The following PIP5K1B variants were observed in gnomAD, a reference collection of about 807,000 sequenced individuals.
PIP5K1B encodes phosphatidylinositol-4-phosphate 5-kinase type 1 beta, also known as phosphatidylinositol 4-phosphate 5-kinase type-1 beta.
In PIP5K1B, 42 loss-of-function variants were observed where a neutral mutation model predicts 67.0. That is an observed-to-expected ratio of 0.63 (90% CI 0.49 to 0.81). The LOEUF is 0.81. Ranked by LOEUF, PIP5K1B falls within the 30% of genes least tolerant of loss-of-function variation. PIP5K1B has a pLI of 0.00. For synonymous variants in PIP5K1B, 214 were observed against 231.4 expected (o/e 0.92, Z 0.68); for missense variants, 459 against 646.3 (o/e 0.71, Z 3.14).
Position 68,735,316 on chromosome 9 carries a change from C to CTTTTTTTTTTTTTTTTT in PIP5K1B, c.-242-7173_-242-7157dup, listed in dbSNP as rs558810934. 4.0e-3 allele frequency among the ~76,000 whole-genome samples: 118 copies of CTTTTTTTTTTTTTTTTT among 29,804 alleles called. 23 individuals are homozygous for CTTTTTTTTTTTTTTTTT. Among genetic ancestry groups the CTTTTTTTTTTTTTTTTT allele is most frequent in the Non-Finnish European group, 5.3e-3 (88 of 16,452 alleles). 19.6% of individuals were successfully genotyped at this position (29,804 alleles called of 152,430 possible). A position where few individuals can be genotyped will look rare whatever the true frequency, so the allele number is the denominator to read the frequency against. ...CAGATTTGCTGTTTTCCCCTAGTGT[C>CTTTTTTTTTTTTTTTTT]TTTTTTTTTTTTTTTTTTTTTTTTT... On this transcript the variant is annotated intron_variant, in intron 1 of 15. Transcript: ENST00000265382.
chr9:68,837,583 G>A (rs2035659604), intron 4 of PIP5K1B, among the ~76,000 whole-genome samples: 2 of 140,986 alleles, frequency 1.4e-5, no homozygotes, highest in African/African-American at 5.2e-5. Flanking sequence ...TCTTAAATTA[G>A]ACTTTTACTT....
chr9:68,866,508 T>C (rs547424225), intron 5 of PIP5K1B, among the ~76,000 whole-genome samples: 36 of 152,198 alleles, frequency 2.4e-4, no homozygotes, highest in African/African-American at 8.2e-4. Flanking sequence ...AGAATAAAAC[T>C]ATTTAAAATA....
At chr9:68,864,866 G>A (rs934417455) in intron 5 of PIP5K1B, among the ~76,000 whole-genome samples, 3 of 152,084 alleles carry the variant, frequency 2.0e-5, no homozygotes, top group Admixed American at 2.0e-4. Context: ...GTTATTACCA[G>A]GCTTGGGTAA....
At chr9:68,736,496 T>C (rs1318339087) in intron 1 of PIP5K1B, among the ~76,000 whole-genome samples, 1 of 152,212 alleles carries the variant, frequency 6.6e-6, no homozygotes, top group Non-Finnish European at 1.5e-5. Context: ...ACAAATGGAA[T>C]GGCATAAAAG....
intron 7 of PIP5K1B, among the ~76,000 whole-genome samples, chr9:68,893,337 T>TTC (rs1244460005): frequency 3.1e-4 from 43 of 137,138 alleles, no homozygotes; most frequent in Admixed American, 9.3e-4. Flanking sequence ...TTTTTTCTTT[T>TTC]TTTTTTTTTT....
chr9:68,939,784 T>C (rs1050093681), intron 13 of PIP5K1B, among the ~76,000 whole-genome samples: 1 of 152,228 alleles, frequency 6.6e-6, no homozygotes, highest in African/African-American at 2.4e-5. Flanking sequence ...CGAGAATCCC[T>C]GTTAGGGTCG....
chr9:68,958,404 G>A (rs1828512270), intron 14 of PIP5K1B, among the ~76,000 whole-genome samples: 1 of 152,056 alleles, frequency 6.6e-6, no homozygotes, highest in South Asian at 2.1e-4. Flanking sequence ...TTAAGTAATT[G>A]TTTAGACTCT....
chr9:68,711,258 C>G (rs10869224), intron 1 of PIP5K1B, among the ~76,000 whole-genome samples: 17,551 of 152,226 alleles, frequency 0.12, 1,070 homozygotes, highest in Non-Finnish European at 0.13. Flanking sequence ...ATTTAATATA[C>G]ACTTTTTTTC....
intron 14 of PIP5K1B, among the ~76,000 whole-genome samples, chr9:68,988,355 T>G (rs1191292946): frequency 6.6e-6 from 1 of 150,622 alleles, no homozygotes; most frequent in Non-Finnish European, 1.5e-5. Flanking sequence ...TTGATATATA[T>G]TAATATATTT....
chr9:68,863,733 G>T, intron 4 of PIP5K1B, 104 bp from the exon 5 acceptor site: 2 of 927,710 alleles, frequency 2.2e-6, no homozygotes, highest in Non-Finnish European at 1.6e-6. Flanking sequence ...TCATTGTTTT[G>T]GAGCAAGAAA....
chr9:68,781,101 G>A (rs1217303644), intron 2 of PIP5K1B: 1 of 1,512,222 alleles, frequency 6.6e-7, no homozygotes, highest in Admixed American at 2.2e-5. Context: ...ACTGAACTTT[G>A]TCAATTAATT....
At chr9:68,888,415 T>C (rs990203615) in intron 6 of PIP5K1B, among the ~76,000 whole-genome samples, 2 of 152,242 alleles carry the variant, frequency 1.3e-5, no homozygotes, top group Non-Finnish European at 2.9e-5. Context: ...GATTGTGAAC[T>C]TATTGCATAT....
intron 13 of PIP5K1B, among the ~76,000 whole-genome samples, chr9:68,935,293 C>A (rs955728370): frequency 2.0e-5 from 3 of 152,076 alleles, no homozygotes; most frequent in African/African-American, 7.2e-5. Flanking sequence ...ATGGCGAAAC[C>A]CTGTCTCTAC....
chr9:68,852,498 G>A (rs571102614), intron 4 of PIP5K1B, among the ~76,000 whole-genome samples: 1 of 152,302 alleles, frequency 6.6e-6, no homozygotes, highest in Non-Finnish European at 1.5e-5. Context: ...AGGGATGGAA[G>A]TAAACACTTT....
intron 14 of PIP5K1B, among the ~76,000 whole-genome samples, chr9:68,981,858 T>C (rs1425228320): frequency 6.6e-6 from 1 of 152,098 alleles, no homozygotes; most frequent in Non-Finnish European, 1.5e-5. Flanking sequence ...ATTAACGTTT[T>C]CTCCTAGAGA....
intron 2 of PIP5K1B, among the ~76,000 whole-genome samples, chr9:68,757,757 T>A (rs1486595429): frequency 1.3e-5 from 2 of 152,118 alleles, no homozygotes; most frequent in Non-Finnish European, 2.9e-5. Context: ...GGTATATAAG[T>A]CTACTTTTTC....
chr9:68,921,837 C>T (rs571188917), intron 11 of PIP5K1B, among the ~76,000 whole-genome samples: 7 of 151,870 alleles, frequency 4.6e-5, no homozygotes, highest in African/African-American at 9.7e-5. Context: ...GGCGACAGAG[C>T]GAGACTCCAT....
intron 2 of PIP5K1B, among the ~76,000 whole-genome samples, chr9:68,812,297 TGA>T (rs1436816660): frequency 6.6e-6 from 1 of 152,256 alleles, no homozygotes; most frequent in Non-Finnish European, 1.5e-5. Context: ...GCTCAATACA[TGA>T]TCTTCCCTTC....
intron 2 of PIP5K1B, among the ~76,000 whole-genome samples, chr9:68,798,175 T>C (rs1164837536): frequency 6.6e-6 from 1 of 152,216 alleles, no homozygotes; most frequent in African/African-American, 2.4e-5. Context: ...TGAGTTTGTC[T>C]TATAAGAAAG....
Sources: gnomAD v4.1 joint callset for allele counts (sites outside exome capture counted in the v4.1 genomes callset) on GRCh38, gnomAD v4.1.1 for gene constraint, MANE v1.5 for transcripts, NCBI Gene and HGNC (gene_info 2026-07-23, HGNC 2026-07-21) for gene names.